The following CCDC18 variants were observed in gnomAD, a reference collection of about 807,000 sequenced individuals.
CCDC18 encodes the protein coiled-coil domain containing 18.
A neutral mutation model predicts 196.0 loss-of-function variants in CCDC18; 157 were observed. The ratio of observed to expected loss-of-function variants is 0.80; its 90% CI spans 0.70 to 0.91. The LOEUF (loss-of-function observed/expected upper bound fraction) is 0.91, where lower values mean the gene tolerates loss of function less well. Among genes scored for constraint, CCDC18 ranks in the 40% least tolerant of loss-of-function variants. The pLI is 0.00. For missense variants in CCDC18, 1,465 were observed against 1,611.6 expected (o/e 0.91, Z 1.56); for synonymous variants, 482 against 529.2 (o/e 0.91, Z 1.22).
intron 23 of CCDC18, among the ~76,000 whole-genome samples, chr1:93,251,958 T>C (rs965619474): frequency 2.0e-5 from 3 of 152,186 alleles, no homozygotes; most frequent in African/African-American, 4.8e-5. Flanking sequence ...GCTTTGTTTA[T>C]TCCTTTTTAT....
At chr1:93,198,756 T>G (rs1386772377) in intron 6 of CCDC18, among the ~76,000 whole-genome samples, 2 of 152,150 alleles carry the variant, frequency 1.3e-5, no homozygotes, top group Non-Finnish European at 2.9e-5. Flanking sequence ...CAAGTGATCC[T>G]CCCACTTCAG....
chr1:93,264,612 A>T lies in CCDC18; in HGVS notation c.3685-89A>T, dbSNP rs902603828. ...ATTTACTTTTTTTAAAGAAAAAGTA[A>T]ATAAAAGTAGAAAGCATTAGACTGT... On this transcript the variant is annotated intron_variant, in intron 26 of 28. Transcript: ENST00000690025. 2.6e-4 allele frequency: 190 copies of T among 733,640 alleles called. 1 individual carries two copies. In the African/African-American group the frequency reaches 3.2e-3, roughly 12 times the overall value. The allele number at this position is 733,640 out of a possible 1,614,324, so 45.4% of individuals were successfully genotyped here. A position where few individuals can be genotyped will look rare whatever the true frequency, so the allele number is the denominator to read the frequency against.
At chr1:93,227,561 G>A (rs1318307541) in intron 17 of CCDC18, among the ~76,000 whole-genome samples, 1 of 151,836 alleles carries the variant, frequency 6.6e-6, no homozygotes, top group Non-Finnish European at 1.5e-5. Context: ...TTGCTCAAAT[G>A]GATAATCGTA....
chr1:93,221,710 A>C lies in CCDC18; in HGVS notation c.2064A>C (p.Glu688Asp). Residue 688 changes from glutamate (E) to aspartate (D), a missense_variant, in exon 15 of 29, where the codon GAA becomes GAC. Glu to Asp is a conservative substitution (Grantham distance 45, BLOSUM62 2). Transcript: ENST00000690025. ...TAATATGCAAACAACATCATCTTGA[A>C]TCACTAGATAGACTCTTGACGGAAA... The part of the protein sequence containing the change: ...QDIICKQHHL[E>D]SLDRLLTESK... 1 of 1,597,810 alleles carries C rather than the reference A, an allele frequency of 6.3e-7. No homozygotes were observed. The highest frequency in any genetic ancestry group is 1.8e-5 in the Admixed American group (1 of 55,416).
At chr1:93,218,344 T>C (rs1656833360) in intron 14 of CCDC18, among the ~76,000 whole-genome samples, 1 of 152,232 alleles carries the variant, frequency 6.6e-6, no homozygotes, top group African/African-American at 2.4e-5. Context: ...TATTTTTTCC[T>C]ATACATACAT....
At chr1:93,237,479 C>T (rs1005062692) in intron 19 of CCDC18, among the ~76,000 whole-genome samples, 1 of 152,148 alleles carries the variant, frequency 6.6e-6, no homozygotes, top group Non-Finnish European at 1.5e-5. Context: ...TCTACTGTGC[C>T]TTTTGAACTT....
intron 7 of CCDC18, among the ~76,000 whole-genome samples, chr1:93,204,897 G>A (rs1409439923): frequency 2.0e-5 from 3 of 152,114 alleles, no homozygotes; most frequent in Non-Finnish European, 4.4e-5. Flanking sequence ...AAGGTGATCA[G>A]TAAGGGGAGG....
rs113064703 is a variant in CCDC18 at position 93,240,224 on chromosome 1, C to T, written c.2981+328C>T. The stretch of plus-strand genomic sequence containing the variant: ...AAGTCCTTATTTTATGCTAGGACTA[C>T]GCCAGGGACTTCACATATGATCTCA... On this transcript the variant is annotated intron_variant, in intron 21 of 28. Coordinates refer to ENST00000690025, the MANE Select transcript of CCDC18 (RefSeq NM_001378204.1). Among the ~76,000 whole-genome samples the T allele has an allele frequency of 1.7e-3, 258 of 152,328 alleles. 1 individual carries two copies. Among genetic ancestry groups the T allele is most frequent in the African/African-American group, 5.5e-3 (229 of 41,564 alleles).
intron 4 of CCDC18, among the ~76,000 whole-genome samples, chr1:93,188,482 G>A (rs1460944899): frequency 6.6e-6 from 1 of 152,136 alleles, no homozygotes; most frequent in Non-Finnish European, 1.5e-5. Context: ...TTCCTTGCCT[G>A]CCTGAAAATG....
Position 93,191,961 on chromosome 1 carries a change from T to A in CCDC18, c.463-39T>A, listed in dbSNP as rs545368205. On this transcript the variant is annotated intron_variant, in intron 4 of 28. Transcript: ENST00000690025. ...ACTAAGGACCAAGTAGGTTAATTTA[T>A]TTTCTGAAAGTACTATAAAAGTTGT... 490 of 1,423,972 alleles carry A rather than the reference T, an allele frequency of 3.4e-4. No individual in the cohort carries two copies. In the African/African-American group the frequency reaches 6.5e-3, roughly 19 times the overall value. 88.2% of individuals were successfully genotyped at this position (1,423,972 alleles called of 1,614,324 possible). A position where few individuals can be genotyped will look rare whatever the true frequency, so the allele number is the denominator to read the frequency against.
At chr1:93,218,442 G>T (rs1239799848) in intron 14 of CCDC18, among the ~76,000 whole-genome samples, 2 of 151,886 alleles carry the variant, frequency 1.3e-5, no homozygotes, top group African/African-American at 4.8e-5. Flanking sequence ...ACAAAATACT[G>T]TCATAAAAGT....
intron 23 of CCDC18, among the ~76,000 whole-genome samples, chr1:93,249,946 T>G (rs1248390236): frequency 1.3e-5 from 2 of 152,180 alleles, no homozygotes; most frequent in Non-Finnish European, 2.9e-5. Context: ...TTCAAGACAT[T>G]AAAATTTTTT....
intron 6 of CCDC18, chr1:93,199,645 C>G (rs1189752539): frequency 1.3e-5 from 2 of 152,338 alleles, no homozygotes; most frequent in Non-Finnish European, 2.9e-5. Flanking sequence ...TTCAGTGGGT[C>G]CTGAGTTCTT....
chr1:93,274,336 A>G (rs1665514207), intron 28 of CCDC18, among the ~76,000 whole-genome samples: 1 of 151,974 alleles, frequency 6.6e-6, no homozygotes, highest in African/African-American at 2.4e-5. Context: ...CGGGAGGCAG[A>G]GGTTGCAGTG....
upstream of CCDC18, chr1:93,180,074 A>T (rs763543721): frequency 1.6e-5 from 26 of 1,613,118 alleles, 1 homozygote; most frequent in South Asian, 2.3e-4. Flanking sequence ...ATCTCCAGCG[A>T]GGCCTTCAGG....
chr1:93,181,159 T>TTAAAAA (rs777168910), intron 1 of CCDC18, among the ~76,000 whole-genome samples: 22 of 89,870 alleles, frequency 2.4e-4, no homozygotes, highest in African/African-American at 8.6e-4. Flanking sequence ...TCTATAAAAT[T>TTAAAAA]AAAAAAAAAA....
chr1:93,180,209 G>A, upstream of CCDC18: 1 of 1,612,868 alleles, frequency 6.2e-7, no homozygotes, highest in Non-Finnish European at 8.5e-7. Flanking sequence ...GCCAGAAGGA[G>A]CACGGGGAAG....
upstream of CCDC18, chr1:93,180,191 G>C (rs1413607709): frequency 4.3e-6 from 7 of 1,613,514 alleles, no homozygotes; most frequent in Admixed American, 1.7e-5. Context: ...AGCACCGGAG[G>C]CAGAGCGGCC....
chr1:93,188,038 A>G (rs1259393265), intron 4 of CCDC18, among the ~76,000 whole-genome samples: 2 of 152,222 alleles, frequency 1.3e-5, no homozygotes, highest in African/African-American at 2.4e-5. Context: ...ATAATTTAAT[A>G]ACTACGAACT....
Sources: allele counts gnomAD v4.1 joint callset (sites outside exome capture counted in the v4.1 genomes callset), GRCh38; gene constraint gnomAD v4.1.1; transcripts MANE v1.5; gene names NCBI Gene and HGNC (gene_info 2026-07-23, HGNC 2026-07-21).